Variants in KLRG1 observed in about 807,000 individuals in gnomAD.
KLRG1 encodes killer cell lectin like receptor G1, also known as killer cell lectin-like receptor subfamily G member 1.
A neutral mutation model predicts 21.8 loss-of-function variants in KLRG1; 16 were observed. The ratio of observed to expected loss-of-function variants is 0.73; its 90% CI spans 0.50 to 1.11. KLRG1 has a LOEUF of 1.11. KLRG1 is among the 50% of genes most tolerant of loss of function. The pLI, the probability that KLRG1 is intolerant of heterozygous loss-of-function variation, is 0.00. For missense variants in KLRG1, 173 were observed against 218.3 expected (o/e 0.79, Z 1.31); for synonymous variants, 69 against 75.9 (o/e 0.91, Z 0.47).
chr12:9,015,002 C>T (rs1947680379), downstream of KLRG1, among the ~76,000 whole-genome samples: 2 of 151,632 alleles, frequency 1.3e-5, no homozygotes, highest in African/African-American at 4.8e-5. Flanking sequence ...AATAAAAAAA[C>T]ATACAACAGA....
chr12:9,161,195 C>T, the KLRG1 span: 9 of 1,211,076 alleles, frequency 7.4e-6, no homozygotes, highest in East Asian at 1.7e-4. Flanking sequence ...GTAGTGAGAG[C>T]TTCAGAGCCA....
the KLRG1 span, chr12:9,152,959 A>G: frequency 6.2e-7 from 1 of 1,614,136 alleles, no homozygotes; most frequent in Non-Finnish European, 8.5e-7. Context: ...TGTCTGTGAA[A>G]CAGCAAAGAC....
the KLRG1 span, among the ~76,000 whole-genome samples, chr12:9,130,596 C>A: frequency 1.3e-5 from 2 of 151,874 alleles, no homozygotes; most frequent in African/African-American, 4.8e-5. Flanking sequence ...TGTATATATT[C>A]TTTAGAGAAA....
the KLRG1 span, among the ~76,000 whole-genome samples, chr12:9,152,630 T>G: frequency 6.6e-6 from 1 of 152,254 alleles, no homozygotes; most frequent in Non-Finnish European, 1.5e-5. Flanking sequence ...CATTTGTTAT[T>G]TAGTATATAT....
At chr12:9,008,762 C>A (rs1592283672) in intron 3 of KLRG1, among the ~76,000 whole-genome samples, 1 of 152,178 alleles carries the variant, frequency 6.6e-6, no homozygotes, top group East Asian at 1.9e-4. Context: ...AAAGGCTTCA[C>A]CAGCAGATTT....
At chr12:9,162,761 T>G in the KLRG1 span, 1 of 874,242 alleles carries the variant, frequency 1.1e-6, no homozygotes, top group Non-Finnish European at 1.8e-6. Flanking sequence ...TTTACCATCC[T>G]ACTCTTTTTT....
intron 1 of KLRG1, among the ~76,000 whole-genome samples, chr12:8,966,848 G>A (rs1946481460): frequency 1.3e-5 from 2 of 148,838 alleles, no homozygotes; most frequent in African/African-American, 4.9e-5. Flanking sequence ...TATACCCAAA[G>A]GACTATAAAT....
intron 1 of KLRG1, among the ~76,000 whole-genome samples, chr12:8,968,305 A>G (rs745401222): frequency 1.3e-5 from 2 of 152,234 alleles, no homozygotes; most frequent in South Asian, 2.1e-4. Flanking sequence ...TGGAGTGCCT[A>G]TCTTAATCAG....
chr12:9,148,133 T>C, the KLRG1 span, among the ~76,000 whole-genome samples: 2 of 152,210 alleles, frequency 1.3e-5, no homozygotes, highest in Non-Finnish European at 2.9e-5. Flanking sequence ...AAAAATTGTG[T>C]ATATTTACCA....
At chr12:9,118,448 G>T in the KLRG1 span, among the ~76,000 whole-genome samples, 1 of 152,190 alleles carries the variant, frequency 6.6e-6, no homozygotes, top group Non-Finnish European at 1.5e-5. Context: ...ACTAGTGATA[G>T]GTACTGCTGT....
chr12:9,169,080 T>A, the KLRG1 span: 1 of 765,714 alleles, frequency 1.3e-6, no homozygotes, highest in South Asian at 2.0e-5. Context: ...TTATATTAAT[T>A]CTATGGCGAA....
At chr12:9,108,045 C>T in the KLRG1 span, among the ~76,000 whole-genome samples, 3 of 152,154 alleles carry the variant, frequency 2.0e-5, no homozygotes, top group African/African-American at 7.2e-5. Flanking sequence ...GATAGTGTCT[C>T]TTCTTCCATC....
the KLRG1 span, chr12:9,069,885 T>C: frequency 7.6e-7 from 1 of 1,319,596 alleles, no homozygotes; most frequent in East Asian, 2.3e-5. Context: ...GAAAAAATCT[T>C]TGTATTGCCA....
chr12:9,034,624 T>A, the KLRG1 span, among the ~76,000 whole-genome samples: 1 of 152,150 alleles, frequency 6.6e-6, no homozygotes, highest in Non-Finnish European at 1.5e-5. Flanking sequence ...TTTTTTGTAT[T>A]TTTAGTAGAG....
At chr12:9,100,316 C>G in the KLRG1 span, among the ~76,000 whole-genome samples, 2 of 152,186 alleles carry the variant, frequency 1.3e-5, no homozygotes, top group African/African-American at 4.8e-5. Flanking sequence ...CATTCTCTAA[C>G]ACAATTCTCA....
At chr12:9,000,963 G>C (rs1805677) in intron 3 of KLRG1, among the ~76,000 whole-genome samples, 42,424 of 152,116 alleles carry the variant, frequency 0.28, 7,263 homozygotes, top group East Asian at 0.4. Flanking sequence ...TTGATATTAA[G>C]CTCTAGTAAT....
At chr12:9,159,867 G>T in the KLRG1 span, 1 of 1,325,150 alleles carries the variant, frequency 7.5e-7, no homozygotes, top group South Asian at 1.2e-5. Flanking sequence ...ACAGAAAATG[G>T]ACTAAGACAG....
the KLRG1 span, among the ~76,000 whole-genome samples, chr12:9,020,202 A>G: frequency 5.3e-5 from 8 of 152,168 alleles, no homozygotes; most frequent in African/African-American, 1.9e-4. Flanking sequence ...ACGAACCACA[A>G]TGCCTGGCAC....
At chr12:9,120,364 G>A in the KLRG1 span, among the ~76,000 whole-genome samples, 4 of 151,974 alleles carry the variant, frequency 2.6e-5, no homozygotes, top group African/African-American at 9.7e-5. Context: ...AAAAAAGGAA[G>A]GGAAAAAGAT....
Sources: allele counts gnomAD v4.1 joint callset (sites outside exome capture counted in the v4.1 genomes callset), GRCh38; gene constraint gnomAD v4.1.1; transcripts MANE v1.5; gene names NCBI Gene and HGNC (gene_info 2026-07-23, HGNC 2026-07-21).